The following RALGAPA1 variants were observed in gnomAD, a reference collection of about 807,000 sequenced individuals.
RALGAPA1 encodes ral GTPase-activating protein subunit alpha-1.
In RALGAPA1, 52 loss-of-function variants were observed where a neutral mutation model predicts 269.6. The observed-to-expected ratio is 0.19, with a 90% CI of 0.15 to 0.24. The LOEUF (loss-of-function observed/expected upper bound fraction) is 0.24. Ranked by LOEUF, RALGAPA1 falls within the 10% of genes least tolerant of loss-of-function variation. RALGAPA1 has a pLI of 1.00. For synonymous variants in RALGAPA1, 817 were observed against 1,008.3 expected, an observed-to-expected ratio of 0.81 and a Z score of 3.60; for missense variants, 1,917 against 3,013.9, an observed-to-expected ratio of 0.64 and a Z score of 8.52.
rs1238362145 is a variant in RALGAPA1 at position 35,787,092 on chromosome 14, CAT to C, written c.107-11349_107-11348del. Among the ~76,000 whole-genome samples the C allele has an allele frequency of 3.9e-5, 6 of 152,338 alleles. No individual in the cohort carries two copies. The East Asian group carries it at 5.8e-4, about 15-fold the overall frequency. ...TGACTCTTCTCTCTTATACTCATAA[CAT>C]GTTTCATATTTGACACATGATTCTC... On this transcript the variant is annotated intron_variant, in intron 1 of 41. Transcript: ENST00000680220.
At chr14:35,791,682 G>A (rs545587213) in intron 1 of RALGAPA1, among the ~76,000 whole-genome samples, 7 of 151,396 alleles carry the variant, frequency 4.6e-5, no homozygotes, top group African/African-American at 7.3e-5. Flanking sequence ...TGAGGTGGGC[G>A]GATCACGAGG....
At chr14:35,639,398 T>C (rs548203499) in intron 31 of RALGAPA1, among the ~76,000 whole-genome samples, 2 of 152,300 alleles carry the variant, frequency 1.3e-5, no homozygotes, top group Non-Finnish European at 2.9e-5. Flanking sequence ...ACAGAGACAT[T>C]GGACTTAATG....
chr14:35,745,485 G>C (rs2071980077), intron 10 of RALGAPA1, among the ~76,000 whole-genome samples: 2 of 151,344 alleles, frequency 1.3e-5, no homozygotes, highest in Admixed American at 6.6e-5. Flanking sequence ...AGAAAATCTG[G>C]CCGGGCACAG....
At chr14:35,610,440 G>A (rs778818956) in intron 35 of RALGAPA1, among the ~76,000 whole-genome samples, 49 of 151,878 alleles carry the variant, frequency 3.2e-4, no homozygotes, top group Non-Finnish European at 3.1e-4. Context: ...CCACCACCAC[G>A]CCCGGCTAAT....
At chr14:35,678,569 A>G (rs1346218289) in intron 21 of RALGAPA1, among the ~76,000 whole-genome samples, 2 of 152,090 alleles carry the variant, frequency 1.3e-5, no homozygotes, top group African/African-American at 4.8e-5. Flanking sequence ...TCCATTCTCC[A>G]TAAGTCAGCA....
intron 21 of RALGAPA1, 26 bp from the exon 22 acceptor site, chr14:35,678,128 C>A (rs749452843): frequency 6.3e-7 from 1 of 1,587,970 alleles, no homozygotes. Flanking sequence ...CATAAAATTA[C>A]CATAAAGAGT....
At chr14:35,791,542 G>C (rs577488221) in intron 1 of RALGAPA1, among the ~76,000 whole-genome samples, 65 of 151,944 alleles carry the variant, frequency 4.3e-4, no homozygotes, top group Admixed American at 2.5e-3. Context: ...GGGAGGCGGA[G>C]GTTGCAGTGA....
At chr14:35,710,681 G>T (rs1407709924) in intron 16 of RALGAPA1, among the ~76,000 whole-genome samples, 1 of 151,982 alleles carries the variant, frequency 6.6e-6, no homozygotes, top group Non-Finnish European at 1.5e-5. Context: ...GTATGATGGT[G>T]GTCCTTATGG....
chr14:35,688,707 G>T lies in RALGAPA1; in HGVS notation c.3704C>A (p.Pro1235His). The change falls in exon 18 of 42, where the codon CCC becomes CAC. Residue 1235 changes from proline (P) to histidine (H), a missense_variant. By Grantham distance (77) the Pro-to-His change is moderately conservative. Around this residue, in one of 11 missense-constraint regions of RALGAPA1, gnomAD observed 615 missense variants for 790.0 expected, o/e 0.78. Transcript: ENST00000680220. Reference protein sequence around the residue: ...SKTVKESTEIPTTILQKEGIA... With the variant: ...SKTVKESTEIHTTILQKEGIA... ...TCCTTCTTTTTGTAATATGGTGGTG[G>T]GAATCTCTGTGGATTCCTTCACTGT... 1 of 1,476,726 alleles carries T rather than the reference G, an allele frequency of 6.8e-7. No homozygotes were observed. The highest frequency in any genetic ancestry group is 8.9e-7 in the Non-Finnish European group (1 of 1,120,346). The allele number at this position is 1,476,726 out of a possible 1,614,324, so 91.5% of individuals were successfully genotyped here.
At chr14:35,787,996 G>A (rs965786291) in intron 1 of RALGAPA1, among the ~76,000 whole-genome samples, 1 of 152,022 alleles carries the variant, frequency 6.6e-6, no homozygotes, top group South Asian at 2.1e-4. Flanking sequence ...TTTTGAGATG[G>A]AGTCTCACAC....
chr14:35,661,830 A>C (rs2063555094), intron 27 of RALGAPA1, among the ~76,000 whole-genome samples: 2 of 152,184 alleles, frequency 1.3e-5, no homozygotes, highest in South Asian at 4.1e-4. Flanking sequence ...AAGTTAGCTA[A>C]GACACTGTAC....
chr14:35,759,592 TAAA>T (rs57642499), intron 6 of RALGAPA1, among the ~76,000 whole-genome samples: 1 of 130,740 alleles, frequency 7.6e-6, no homozygotes, highest in African/African-American at 2.7e-5. Flanking sequence ...ATTAAAGAAG[TAAA>T]AAAAAAAAAA....
chr14:35,587,113 G>A (rs2058347055), intron 37 of RALGAPA1, among the ~76,000 whole-genome samples: 1 of 152,148 alleles, frequency 6.6e-6, no homozygotes, highest in Admixed American at 6.5e-5. Flanking sequence ...TGGTTTGTAG[G>A]CTACTAATTA....
intron 16 of RALGAPA1, among the ~76,000 whole-genome samples, chr14:35,706,283 G>A (rs2067797392): frequency 6.6e-6 from 1 of 152,010 alleles, no homozygotes; most frequent in Admixed American, 6.6e-5. Flanking sequence ...ATCACATTTA[G>A]GTCTATGATC....
intron 4 of RALGAPA1, among the ~76,000 whole-genome samples, chr14:35,767,374 C>T (rs1022148330): frequency 2.0e-4 from 30 of 151,980 alleles, no homozygotes; most frequent in Admixed American, 1.3e-3. Context: ...GATTAATATT[C>T]TATGGTTACA....
At chr14:35,751,233 T>C (rs1458740523) in intron 8 of RALGAPA1, among the ~76,000 whole-genome samples, 1 of 152,184 alleles carries the variant, frequency 6.6e-6, no homozygotes, top group Non-Finnish European at 1.5e-5. Flanking sequence ...TTAAAAGTAA[T>C]TGCAAAAACT....
intron 3 of RALGAPA1, 41 bp from the exon 4 acceptor site, chr14:35,771,040 C>G: frequency 1.2e-6 from 1 of 865,226 alleles, no homozygotes; most frequent in South Asian, 1.7e-5. Flanking sequence ...AAGAATAAAA[C>G]CAAGTAATGA....
intron 36 of RALGAPA1, among the ~76,000 whole-genome samples, chr14:35,596,224 C>G (rs1215258997): frequency 6.6e-6 from 1 of 152,038 alleles, no homozygotes; most frequent in African/African-American, 2.4e-5. Flanking sequence ...GTACTTATTA[C>G]AGTCCACAAC....
chr14:35,653,747 A>G (rs765833329), intron 30 of RALGAPA1, among the ~76,000 whole-genome samples: 1 of 152,134 alleles, frequency 6.6e-6, no homozygotes, highest in Non-Finnish European at 1.5e-5. Context: ...GGCAACAGCA[A>G]TATCTCAAGA....
Sources: allele counts gnomAD v4.1 joint callset (sites outside exome capture counted in the v4.1 genomes callset), GRCh38; gene constraint gnomAD v4.1.1; regional missense constraint gnomAD v4.1.1; transcripts MANE v1.5; gene names NCBI Gene and HGNC (gene_info 2026-07-23, HGNC 2026-07-21).